Variants in B3GNT3 observed in about 807,000 individuals in gnomAD.
The protein encoded by B3GNT3 is N-acetyllactosaminide beta-1,3-N-acetylglucosaminyltransferase 3.
B3GNT3 carries 7 observed loss-of-function variants against 11.6 expected under a neutral mutation model. That is an observed-to-expected ratio of 0.60 (90% CI 0.34 to 1.13). B3GNT3 has a LOEUF of 1.13. B3GNT3 is among the 50% of genes most tolerant of loss of function. The probability of loss-of-function intolerance (pLI) is 0.03; values close to 1 mark genes in which losing one functional copy is unlikely to be tolerated. For synonymous variants in B3GNT3, 201 were observed against 222.1 expected (o/e 0.90, Z 0.85); for missense variants, 400 against 507.4 (o/e 0.79, Z 2.03).
At chr19:17,809,528 C>T (rs2094177957) in intron 2 of B3GNT3, among the ~76,000 whole-genome samples, 1 of 151,482 alleles carries the variant, frequency 6.6e-6, no homozygotes, top group African/African-American at 2.4e-5. Context: ...CTCACTGCAA[C>T]CTCCACCTCC....
chr19:17,802,779 G>A (rs541293934), intron 1 of B3GNT3, among the ~76,000 whole-genome samples: 1 of 152,202 alleles, frequency 6.6e-6, no homozygotes, highest in East Asian at 1.9e-4. Flanking sequence ...CAGGGCTCAA[G>A]TGATCCTCCC....
intron 1 of B3GNT3, among the ~76,000 whole-genome samples, chr19:17,804,805 C>T (rs1479116783): frequency 2.6e-5 from 4 of 151,694 alleles, no homozygotes; most frequent in African/African-American, 9.7e-5. Context: ...TGATCCACCA[C>T]TTTGGCCTCC....
chr19:17,809,245 A>G (rs1163633326), intron 2 of B3GNT3, among the ~76,000 whole-genome samples: 1 of 151,616 alleles, frequency 6.6e-6, no homozygotes, highest in Non-Finnish European at 1.5e-5. Flanking sequence ...GGTGCACAGC[A>G]TGTGCTCAGT....
At chr19:17,809,875 C>T (rs1267316120) in intron 2 of B3GNT3, among the ~76,000 whole-genome samples, 1 of 152,052 alleles carries the variant, frequency 6.6e-6, no homozygotes, top group Non-Finnish European at 1.5e-5. Flanking sequence ...CAAGTAGAGA[C>T]AACATTTTCA....
intron 1 of B3GNT3, among the ~76,000 whole-genome samples, chr19:17,802,088 C>CA (rs75792216): frequency 0.014 from 1,715 of 124,136 alleles, 14 homozygotes; most frequent in Non-Finnish European, 0.016. Flanking sequence ...ATTCTGTCTC[C>CA]AAAAAAAAAA....
chr19:17,801,620 A>T (rs2094166306), intron 1 of B3GNT3, among the ~76,000 whole-genome samples: 1 of 151,836 alleles, frequency 6.6e-6, no homozygotes, highest in African/African-American at 2.4e-5. Flanking sequence ...AGTAGCTGGG[A>T]CTACAGGTGC....
intron 1 of B3GNT3, among the ~76,000 whole-genome samples, chr19:17,804,240 C>CTTT (rs773524591): frequency 1.6e-4 from 18 of 112,178 alleles, no homozygotes; most frequent in African/African-American, 2.4e-4. Context: ...TCTTTTTTTT[C>CTTT]TTTTTTTTTT....
At chr19:17,800,875 G>A (rs890050542) in intron 1 of B3GNT3, among the ~76,000 whole-genome samples, 3 of 151,998 alleles carry the variant, frequency 2.0e-5, no homozygotes, top group Non-Finnish European at 4.4e-5. Context: ...GCTGAGGCAG[G>A]AGAATCACTT....
At position 17,803,430 on chromosome 19, in the gene B3GNT3, A is replaced by T. The variant is rs535102763; in HGVS notation, c.-50-4328A>T. Among the ~76,000 whole-genome samples, 549 of 152,290 alleles carry T rather than the reference A, an allele frequency of 3.6e-3. 2 individuals carry two copies. Among genetic ancestry groups the T allele is most frequent in the South Asian group, 0.011 (53 of 4,826 alleles). On this transcript the variant is annotated intron_variant, in intron 1 of 2. Transcript: ENST00000318683. Reference sequence around the variant, plus strand: ...CAGGCGGTGGCTTCTGGGTCTTGGCAGGGGAAATAAATGGCTTTTCTGTGC... The same window carrying T: ...CAGGCGGTGGCTTCTGGGTCTTGGCTGGGGAAATAAATGGCTTTTCTGTGC...
At chr19:17,807,073 T>G (rs926319562) in intron 1 of B3GNT3, among the ~76,000 whole-genome samples, 17 of 147,946 alleles carry the variant, frequency 1.1e-4, no homozygotes. Flanking sequence ...ACAGCTAATA[T>G]GCATCAAGCC....
chr19:17,803,286 G>A (rs186457838), intron 1 of B3GNT3, among the ~76,000 whole-genome samples: 5 of 152,252 alleles, frequency 3.3e-5, no homozygotes, highest in Non-Finnish European at 5.9e-5. Flanking sequence ...GATTACAGAC[G>A]TGGGCCACAG....
intron 1 of B3GNT3, among the ~76,000 whole-genome samples, chr19:17,798,849 G>T (rs543907541): frequency 1.3e-5 from 2 of 151,846 alleles, no homozygotes; most frequent in East Asian, 3.9e-4. Flanking sequence ...GCATGCCTGT[G>T]GTCCCAGCTA....
In B3GNT3 at chr19:17,795,602, G is replaced by T. The variant is rs138681469; in HGVS notation, c.-51+396G>T. Among the ~76,000 whole-genome samples the T allele has an allele frequency of 2.3e-3, 350 of 152,304 alleles. 2 individuals are homozygous for T. Among genetic ancestry groups the T allele is most frequent in the African/African-American group, 8.1e-3 (338 of 41,564 alleles). On this transcript the variant is annotated intron_variant, in intron 1 of 2. Transcript: ENST00000318683. ...TGGGCAAGCCAGCGCTGGGGTCCCCGGTTGGGTTTGGGAACTGCAGGTGAC... is the reference window on the plus strand; with the variant it reads ...TGGGCAAGCCAGCGCTGGGGTCCCCTGTTGGGTTTGGGAACTGCAGGTGAC...
chr19:17,807,873 C>A lies in B3GNT3; in HGVS notation c.66C>A (p.Leu22=). 6.2e-7 allele frequency: 1 copy of A among 1,613,550 alleles called. No homozygotes were observed. The highest frequency in any genetic ancestry group is 1.1e-5 in the South Asian group (1 of 91,080). The change falls in exon 2 of 3, where the codon CTC becomes CTA. Residue 22 remains leucine, a synonymous_variant. Transcript: ENST00000318683. The stretch of plus-strand genomic sequence containing the variant: ...TTCTGGCCATCGGCGCTTTCACCCT[C>A]CTCCTCTTCAGTCTGCTAGTGTCAC... ...TLILAIGAFT[L]LLFSLLVSPP...
chr19:17,795,039 G>C (rs1298219541), upstream of B3GNT3: 1 of 152,770 alleles, frequency 6.5e-6, no homozygotes, highest in Non-Finnish European at 1.5e-5. Context: ...GCTGGGAAGA[G>C]GGGGACTGGC....
chr19:17,809,515 C>T (rs933629190), intron 2 of B3GNT3, among the ~76,000 whole-genome samples: 42 of 151,186 alleles, frequency 2.8e-4, no homozygotes, highest in African/African-American at 8.8e-4. Flanking sequence ...GGTGCAATCT[C>T]GGCTCACTGC....
chr19:17,812,043 T>TACCC lies in B3GNT3; in HGVS notation c.1043_1044insCACC (p.Tyr349ThrfsTer3). ...GACCTGCTGCTGGTGCACCGCTTCCTACCTTATGAGATGCTGCTCATGTGG... is the reference window on the plus strand; with the variant it reads ...GACCTGCTGCTGGTGCACCGCTTCCTACCCACCTTATGAGATGCTGCTCATGTGG... On this transcript the variant is annotated frameshift_variant, in exon 3 of 3. Coordinates refer to ENST00000318683, the MANE Select transcript of B3GNT3 (RefSeq NM_014256.4). LOFTEE classifies it low-confidence loss of function (END_TRUNC). The TACCC allele has an allele frequency of 6.3e-7, 1 of 1,599,360 alleles. No homozygotes were observed. The highest frequency in any genetic ancestry group is 8.5e-7 in the Non-Finnish European group (1 of 1,179,916).
rs2094174245 is a variant in B3GNT3, at chr19:17,807,242, C to T, written c.-50-516C>T. 2.0e-5 allele frequency among the ~76,000 whole-genome samples: 3 copies of T among 151,676 alleles called. No homozygotes were observed. In the South Asian group the frequency reaches 6.2e-4, roughly 31 times the overall value. On this transcript the variant is annotated intron_variant, in intron 1 of 2. Coordinates refer to ENST00000318683, the MANE Select transcript of B3GNT3 (RefSeq NM_014256.4). ...CAGTGACTCATGCCTGTCATCCCAGCCCTTTGGGAGGCCGAGGCAGGTGGA... is the reference window on the plus strand; with the variant it reads ...CAGTGACTCATGCCTGTCATCCCAGTCCTTTGGGAGGCCGAGGCAGGTGGA...
chr19:17,806,147 CTTTT>C (rs1251648713), intron 1 of B3GNT3, among the ~76,000 whole-genome samples: 2 of 141,334 alleles, frequency 1.4e-5, no homozygotes, highest in African/African-American at 2.6e-5. Context: ...TTTGTATTTT[CTTTT>C]TTTTTTTTTT....
Sources: allele counts gnomAD v4.1 joint callset (sites outside exome capture counted in the v4.1 genomes callset), GRCh38; gene constraint gnomAD v4.1.1; transcripts MANE v1.5; gene names NCBI Gene and HGNC (gene_info 2026-07-23, HGNC 2026-07-21).